Variants in POU2F1 observed in about 807,000 individuals in gnomAD.
The protein encoded by POU2F1 is POU domain, class 2, transcription factor 1.
POU2F1 carries 16 observed loss-of-function variants against 84.9 expected under a neutral mutation model. The ratio of observed to expected loss-of-function variants is 0.19; its 90% CI spans 0.13 to 0.29. The LOEUF is 0.29. Among genes scored for constraint, POU2F1 ranks in the 10% least tolerant of loss-of-function variants. The pLI is 1.00. For missense variants in POU2F1, 738 were observed against 942.6 expected (o/e 0.78, Z 2.84); for synonymous variants, 368 against 368.3 (o/e 1.00, Z 0.01).
chr1:167,237,756 A>T (rs10800296), intron 1 of POU2F1, among the ~76,000 whole-genome samples: 1 of 80,928 alleles, frequency 1.2e-5, no homozygotes, highest in Non-Finnish European at 2.3e-5. Flanking sequence ...GTATATATAT[A>T]TATATATATA....
intron 1 of POU2F1, among the ~76,000 whole-genome samples, chr1:167,261,474 G>A (rs1439173519): frequency 6.6e-6 from 1 of 152,100 alleles, no homozygotes; most frequent in African/African-American, 2.4e-5. Context: ...CTTTTTAAGA[G>A]CAAGATATAG....
At position 167,420,186 on chromosome 1, in the gene POU2F1, T is replaced by TCC. The variant is rs1374904206; in HGVS notation, c.*4377_*4378insCC. Reference sequence around the variant, plus strand: ...TTCATGTCTTTTTTTTTTTTTTTTTTCTGGTCTTGCTCTGTTGCCTAGGCT... The same window carrying TCC: ...TTCATGTCTTTTTTTTTTTTTTTTTTCCCTGGTCTTGCTCTGTTGCCTAGGCT... On this transcript the variant is annotated 3_prime_UTR_variant, in exon 16 of 16. Transcript: ENST00000367866. 1.0e-4 allele frequency: 13 copies of TCC among 125,808 alleles called. No individual in the cohort carries two copies. The highest frequency in any genetic ancestry group is 1.6e-4 in the Non-Finnish European group (9 of 56,840). The allele number at this position is 125,808 out of a possible 1,614,324, so 7.8% of individuals were successfully genotyped here. A position where few individuals can be genotyped will look rare whatever the true frequency, so the allele number is the denominator to read the frequency against.
At chr1:167,235,907 ACTTT>A (rs915145706) in intron 1 of POU2F1, among the ~76,000 whole-genome samples, 1 of 152,056 alleles carries the variant, frequency 6.6e-6, no homozygotes, top group Non-Finnish European at 1.5e-5. Context: ...TCTCCCATAA[ACTTT>A]CTTTAACAGA....
chr1:167,324,271 A>G (rs562423449), intron 1 of POU2F1, among the ~76,000 whole-genome samples: 4 of 132,592 alleles, frequency 3.0e-5, no homozygotes, highest in South Asian at 2.2e-4. Flanking sequence ...CATGAAGTCA[A>G]TTTAATAGGT....
chr1:167,365,044 T>C (rs1460019920), intron 2 of POU2F1, among the ~76,000 whole-genome samples: 3 of 152,238 alleles, frequency 2.0e-5, no homozygotes, highest in African/African-American at 7.2e-5. Context: ...TCAGAGTTAA[T>C]AATAAGTCTT....
intron 2 of POU2F1, among the ~76,000 whole-genome samples, chr1:167,337,712 GAC>G (rs957321762): frequency 6.7e-6 from 1 of 149,822 alleles, no homozygotes; most frequent in African/African-American, 2.5e-5. Flanking sequence ...AAAAAGATAA[GAC>G]AAAAGAAGGA....
chr1:167,329,357 T>G (rs1656926908), intron 1 of POU2F1: 1 of 1,529,762 alleles, frequency 6.5e-7, no homozygotes. Flanking sequence ...GGAAATAGAG[T>G]GTGTCGGGTT....
intron 2 of POU2F1, among the ~76,000 whole-genome samples, chr1:167,364,447 G>T (rs1295324631): frequency 7.7e-6 from 1 of 130,298 alleles, no homozygotes; most frequent in Non-Finnish European, 1.6e-5. Context: ...GGAGAATGGC[G>T]TGAACCCGGG....
intron 2 of POU2F1, among the ~76,000 whole-genome samples, chr1:167,332,798 A>G (rs1255041032): frequency 2.0e-5 from 3 of 152,220 alleles, no homozygotes; most frequent in African/African-American, 4.8e-5. Flanking sequence ...TGGGTCAGAT[A>G]GTTTTGGATA....
At chr1:167,241,580 T>A (rs1649907297) in intron 1 of POU2F1, 1 of 152,220 alleles carries the variant, frequency 6.6e-6, no homozygotes, top group Admixed American at 6.5e-5. Context: ...TAGCTTAAGA[T>A]GGAATGGTTC....
At chr1:167,379,414 G>A (rs1647347616) in intron 7 of POU2F1, 1 of 152,214 alleles carries the variant, frequency 6.6e-6, no homozygotes, top group Non-Finnish European at 1.5e-5. Flanking sequence ...ACAGGACCTG[G>A]TGGCCAGTTA....
chr1:167,289,397 G>T (rs189458405), intron 1 of POU2F1, among the ~76,000 whole-genome samples: 35 of 152,286 alleles, frequency 2.3e-4, no homozygotes, highest in African/African-American at 8.4e-4. Context: ...AGTGAACAGG[G>T]TTTAAATTTA....
rs183324430 is a variant in POU2F1, at chr1:167,372,049, T to C, written c.402+13T>C. ...ACAGATAACTGGGGTAAGTGTTCAC[T>C]GAGAGAATTATAACAAACTTTTTCT... On this transcript the variant is annotated intron_variant, in intron 5 of 15. Coordinates refer to ENST00000367866, the MANE Select transcript of POU2F1 (RefSeq NM_002697.4). 2,758 of 1,604,710 alleles carry C rather than the reference T, an allele frequency of 1.7e-3. 26 individuals carry two copies. The highest frequency in any genetic ancestry group is 7.4e-3 in the South Asian group (666 of 89,660).
chr1:167,297,687 G>T (rs1477342564), intron 1 of POU2F1, among the ~76,000 whole-genome samples: 1 of 152,196 alleles, frequency 6.6e-6, no homozygotes, highest in Admixed American at 6.5e-5. Flanking sequence ...GCTAGAGAGA[G>T]TTGGAATGGC....
At chr1:167,308,026 T>C (rs1655200906) in intron 1 of POU2F1, among the ~76,000 whole-genome samples, 1 of 152,126 alleles carries the variant, frequency 6.6e-6, no homozygotes, top group South Asian at 2.1e-4. Context: ...TGATGCTGTA[T>C]TCTTATTGCA....
intron 9 of POU2F1, among the ~76,000 whole-genome samples, chr1:167,390,392 T>G (rs1294670156): frequency 6.6e-6 from 1 of 152,204 alleles, no homozygotes; most frequent in African/African-American, 2.4e-5. Flanking sequence ...GAATATCTGG[T>G]GGTAGACCTC....
chr1:167,294,172 CAAAAAAAAAA>C (rs60846607), intron 1 of POU2F1, among the ~76,000 whole-genome samples: 975 of 30,956 alleles, frequency 0.031, 7 homozygotes, highest in African/African-American at 0.058. Flanking sequence ...TACTAAAATA[CAAAAAAAAAA>C]AAAAAAAAAA....
rs750031380 is a variant in POU2F1 at position 167,371,928 on chromosome 1, T to A, written c.294T>A (p.Asn98Lys). 1.2e-6 allele frequency: 2 copies of A among 1,614,164 alleles called. No individual in the cohort carries two copies. Among genetic ancestry groups the A allele is most frequent in the South Asian group, 2.2e-5 (2 of 91,086 alleles). ...AQSLNVQSKS[N>K]EESGDSQQPS... ...CCACCCCACCTCAGTCTAAATCTAATGAAGAATCGGGGGATTCGCAGCAGC... is the reference window on the plus strand; with the variant it reads ...CCACCCCACCTCAGTCTAAATCTAAAGAAGAATCGGGGGATTCGCAGCAGC... Residue 98 changes from asparagine to lysine, a missense_variant, in exon 5 of 16, where the codon AAT (asparagine) becomes AAA (lysine). Around this residue, in one of 4 missense-constraint regions of POU2F1, gnomAD observed 161 missense variants for 147.0 expected, o/e 1.10. Transcript: ENST00000367866.
intron 1 of POU2F1, among the ~76,000 whole-genome samples, chr1:167,249,332 C>T (rs971159911): frequency 2.6e-5 from 4 of 152,246 alleles, no homozygotes; most frequent in Admixed American, 6.5e-5. Flanking sequence ...TGCTATATAA[C>T]TTTCATTCCC....
Sources: gnomAD v4.1 joint callset for allele counts (sites outside exome capture counted in the v4.1 genomes callset) on GRCh38, gnomAD v4.1.1 for gene constraint, gnomAD v4.1.1 regional missense constraint, MANE v1.5 for transcripts, NCBI Gene and HGNC (gene_info 2026-07-23, HGNC 2026-07-21) for gene names.